The following EEF1AKMT1 variants were observed in gnomAD, a reference collection of about 807,000 sequenced individuals.
EEF1AKMT1 encodes EEF1A lysine methyltransferase 1, also known as N-6 adenine-specific DNA methyltransferase 2 (putative).
Under a neutral mutation model 21.0 loss-of-function variants are expected in EEF1AKMT1, and 18 were observed. The observed-to-expected ratio is 0.86, with a 90% CI of 0.59 to 1.27. EEF1AKMT1 has a LOEUF of 1.27. EEF1AKMT1 is among the 50% of genes most tolerant of loss of function. The pLI is 0.00. For missense variants in EEF1AKMT1, 246 were observed against 258.6 expected (o/e 0.95, Z 0.33); for synonymous variants, 109 against 94.8 (o/e 1.15, Z -0.87).
chr13:20,734,839 C>T (rs1411854183), intron 3 of EEF1AKMT1, among the ~76,000 whole-genome samples: 3 of 151,968 alleles, frequency 2.0e-5, no homozygotes, highest in Non-Finnish European at 4.4e-5. Flanking sequence ...TATCTAAAAG[C>T]AGTGTCACTA....
chr13:20,758,693 A>C (rs977771835), intron 1 of EEF1AKMT1, among the ~76,000 whole-genome samples: 12 of 152,194 alleles, frequency 7.9e-5, no homozygotes, highest in Non-Finnish European at 1.2e-4. Context: ...TATGGAACTA[A>C]AAAAGAGAAT....
intron 1 of EEF1AKMT1, among the ~76,000 whole-genome samples, chr13:20,764,022 T>C (rs1435628990): frequency 2.0e-5 from 3 of 151,510 alleles, no homozygotes; most frequent in Non-Finnish European, 2.9e-5. Context: ...TTACTAAAGG[T>C]TCATCAATTT....
chr13:20,744,058 G>GTATA (rs1213818055), intron 2 of EEF1AKMT1, among the ~76,000 whole-genome samples: 3 of 152,158 alleles, frequency 2.0e-5, no homozygotes, highest in Non-Finnish European at 2.9e-5. Context: ...GTATTCCATG[G>GTATA]TATATATGTG....
At chr13:20,731,037 T>G (rs1330023344) in intron 4 of EEF1AKMT1, among the ~76,000 whole-genome samples, 1 of 152,188 alleles carries the variant, frequency 6.6e-6, no homozygotes, top group Non-Finnish European at 1.5e-5. Context: ...AGGTGCCGCC[T>G]TTAAGAGCTG....
At chr13:20,743,722 T>G (rs953480194) in intron 2 of EEF1AKMT1, among the ~76,000 whole-genome samples, 10 of 151,554 alleles carry the variant, frequency 6.6e-5, no homozygotes, top group African/African-American at 2.2e-4. Context: ...GTGCAGAATG[T>G]GCAGGTTTGT....
rs963266860 is a variant in EEF1AKMT1, at chr13:20,729,310, G to A, written c.509-94C>T. The stretch of plus-strand genomic sequence containing the variant: ...TGAGAGGGGCTCTAGGCGGACCACC[G>A]GTGGCAATTAGTTGACAATTCACAA... On this transcript the variant is annotated intron_variant, in intron 4 of 4. Transcript: ENST00000382758. 1.7e-5 allele frequency: 24 copies of A among 1,435,506 alleles called. 1 individual carries two copies. The Admixed American group carries it at 1.7e-4, about 10-fold the overall frequency. The allele number at this position is 1,435,506 out of a possible 1,614,324, so 88.9% of individuals were successfully genotyped here. A position where few individuals can be genotyped will look rare whatever the true frequency, so the allele number is the denominator to read the frequency against.
At chr13:20,760,869 G>A (rs761122091) in intron 1 of EEF1AKMT1, among the ~76,000 whole-genome samples, 1 of 152,034 alleles carries the variant, frequency 6.6e-6, no homozygotes, top group Non-Finnish European at 1.5e-5. Flanking sequence ...CTGATAATTT[G>A]GACATAAATA....
Position 20,763,690 on chromosome 13 carries a change from T to G in EEF1AKMT1, c.-19-6073A>C, listed in dbSNP as rs563524927. 2.0e-5 allele frequency among the ~76,000 whole-genome samples: 3 copies of G among 152,280 alleles called. No homozygotes were observed. In the South Asian group the frequency reaches 6.2e-4, roughly 32 times the overall value. ...CCAGTCTCAAACTCCTGACCTCTGG[T>G]GATCTGCCCGCCTAGGTCTCCCAAA... On this transcript the variant is annotated intron_variant, in intron 1 of 4. Transcript: ENST00000382758.
intron 2 of EEF1AKMT1, among the ~76,000 whole-genome samples, chr13:20,739,245 C>A (rs1477790583): frequency 2.6e-5 from 4 of 152,188 alleles, no homozygotes; most frequent in African/African-American, 9.7e-5. Flanking sequence ...GTGAGTGTTA[C>A]AGCTCATAAA....
chr13:20,763,965 C>CT (rs1319442347), intron 1 of EEF1AKMT1, among the ~76,000 whole-genome samples: 1 of 50,020 alleles, frequency 2.0e-5, no homozygotes, highest in Non-Finnish European at 5.9e-5. Flanking sequence ...GTACTGATAT[C>CT]CCCCATTTCA....
chr13:20,773,225 A>T (rs1249036500), intron 1 of EEF1AKMT1, among the ~76,000 whole-genome samples: 1 of 152,186 alleles, frequency 6.6e-6, no homozygotes, highest in African/African-American at 2.4e-5. Context: ...GTACGTGTGC[A>T]GTGCGACGTT....
intron 1 of EEF1AKMT1, among the ~76,000 whole-genome samples, chr13:20,768,108 T>C (rs2059045501): frequency 6.6e-6 from 1 of 152,248 alleles, no homozygotes; most frequent in South Asian, 2.1e-4. Flanking sequence ...TGGGTCAGTT[T>C]CAGTGGACTG....
At chr13:20,767,140 A>T (rs1046062318) in intron 1 of EEF1AKMT1, among the ~76,000 whole-genome samples, 1 of 151,682 alleles carries the variant, frequency 6.6e-6, no homozygotes, top group Non-Finnish European at 1.5e-5. Flanking sequence ...CCCCGTCTCC[A>T]CTAAAAATAC....
chr13:20,731,346 G>A (rs992700173), intron 4 of EEF1AKMT1, among the ~76,000 whole-genome samples: 2 of 152,180 alleles, frequency 1.3e-5, no homozygotes, highest in Non-Finnish European at 2.9e-5. Context: ...ACACCTGTAA[G>A]TTCCAGCTAC....
intron 4 of EEF1AKMT1, 34 bp downstream of exon 4, chr13:20,731,807 G>T: frequency 6.3e-7 from 1 of 1,583,870 alleles, no homozygotes; most frequent in Non-Finnish European, 8.6e-7. Context: ...GCCACTGTCA[G>T]TGACTTTGAT....
At chr13:20,735,992 G>C (rs1292281045) in intron 3 of EEF1AKMT1, among the ~76,000 whole-genome samples, 2 of 151,834 alleles carry the variant, frequency 1.3e-5, no homozygotes, top group Non-Finnish European at 2.9e-5. Flanking sequence ...TAGAAGATCA[G>C]GTCCAATATT....
intron 2 of EEF1AKMT1, among the ~76,000 whole-genome samples, chr13:20,738,928 T>G (rs1384316541): frequency 6.6e-6 from 1 of 152,194 alleles, no homozygotes; most frequent in African/African-American, 2.4e-5. Context: ...CCGGAATTGG[T>G]GGGTTCTTGG....
At chr13:20,738,343 C>T (rs905457492) in intron 2 of EEF1AKMT1, among the ~76,000 whole-genome samples, 10 of 152,192 alleles carry the variant, frequency 6.6e-5, no homozygotes, top group African/African-American at 2.2e-4. Context: ...CATCTTGCTC[C>T]TTCTGCTTCA....
At chr13:20,759,912 A>G (rs768560169) in intron 1 of EEF1AKMT1, among the ~76,000 whole-genome samples, 8 of 152,234 alleles carry the variant, frequency 5.3e-5, no homozygotes, top group South Asian at 2.1e-4. Flanking sequence ...AAACCATCCT[A>G]GCTAACACAG....
Sources: gnomAD v4.1 joint callset for allele counts (sites outside exome capture counted in the v4.1 genomes callset) on GRCh38, gnomAD v4.1.1 for gene constraint, MANE v1.5 for transcripts, NCBI Gene and HGNC (gene_info 2026-07-23, HGNC 2026-07-21) for gene names.